TLCD4: variants seen among roughly 807,000 people sequenced by gnomAD.
TLCD4 encodes the protein TLC domain-containing protein 4.
A neutral mutation model predicts 24.2 loss-of-function variants in TLCD4; 7 were observed. The ratio of observed to expected loss-of-function variants is 0.29; its 90% CI spans 0.16 to 0.54. The LOEUF (loss-of-function observed/expected upper bound fraction) is 0.54. Ranked by LOEUF, TLCD4 falls within the 20% of genes least tolerant of loss-of-function variation. The pLI is 0.95. For missense variants in TLCD4, 259 were observed against 313.9 expected (o/e 0.82, Z 1.32); for synonymous variants, 103 against 106.4 (o/e 0.97, Z 0.20).
intron 5 of TLCD4, among the ~76,000 whole-genome samples, chr1:95,167,953 T>C (rs1176663649): frequency 1.3e-5 from 2 of 152,180 alleles, no homozygotes; most frequent in Non-Finnish European, 2.9e-5. Context: ...GTAAACTGTC[T>C]TTTTTCATTC....
the TLCD4 span, among the ~76,000 whole-genome samples, chr1:95,108,443 G>A: frequency 6.6e-6 from 1 of 152,044 alleles, no homozygotes; most frequent in South Asian, 2.1e-4. Flanking sequence ...GTGCAATCAT[G>A]GCTCACTCTG....
At chr1:95,155,678 G>A (rs1280210635) in intron 5 of TLCD4, among the ~76,000 whole-genome samples, 3 of 151,724 alleles carry the variant, frequency 2.0e-5, no homozygotes, top group East Asian at 1.9e-4. Context: ...ATATATTGAC[G>A]GGTACAGGAT....
chr1:95,106,534 C>G, the TLCD4 span, among the ~76,000 whole-genome samples: 1 of 152,190 alleles, frequency 6.6e-6, no homozygotes, highest in East Asian at 1.9e-4. Flanking sequence ...AATTCTGTCT[C>G]TACCAAAAAT....
rs1679038298 is a variant in TLCD4, at chr1:95,191,795, G to T, written c.719G>T (p.Gly240Val). 6 of 1,614,098 alleles carry T rather than the reference G, an allele frequency of 3.7e-6. No individual in the cohort carries two copies. The highest frequency in any genetic ancestry group is 5.1e-6 in the Non-Finnish European group (6 of 1,179,998). ...NVMWMIKISK[G>V]CIKVISHIRQ... ...ATGTGGATGATCAAAATTTCAAAAG[G>T]TTGCATCAAAGTCATCTCTCACATC... is the stretch of plus-strand genomic sequence containing the variant. The change falls in exon 7 of 7, where the codon GGT (glycine) becomes GTT (valine). Residue 240 changes from glycine to valine, a missense_variant. Gly to Val is a moderately radical substitution (Grantham distance 109, BLOSUM62 -3). Coordinates refer to ENST00000370203, the MANE Select transcript of TLCD4 (RefSeq NM_152487.3).
intron 5 of TLCD4, among the ~76,000 whole-genome samples, chr1:95,156,984 G>A (rs1161518850): frequency 1.3e-5 from 2 of 152,054 alleles, no homozygotes; most frequent in African/African-American, 4.8e-5. Context: ...AAGGTAGAAA[G>A]AGAACCATAA....
the TLCD4 span, among the ~76,000 whole-genome samples, chr1:95,099,053 C>CAAAAAAAAAAAAAAAAAAAAAAAAA: frequency 1.4e-5 from 1 of 70,656 alleles, no homozygotes; most frequent in Non-Finnish European, 2.6e-5. Flanking sequence ...AACTCTGTCT[C>CAAAAAAAAAAAAAAAAAAAAAAAAA]AAAAAAAAAA....
intron 1 of TLCD4, among the ~76,000 whole-genome samples, chr1:95,142,559 G>T (rs1677233669): frequency 1.3e-5 from 2 of 152,140 alleles, no homozygotes; most frequent in African/African-American, 4.8e-5. Flanking sequence ...CCTACCATAG[G>T]GGCTCAAGAG....
chr1:95,095,873 A>C, the TLCD4 span, among the ~76,000 whole-genome samples: 1 of 152,314 alleles, frequency 6.6e-6, no homozygotes, highest in East Asian at 1.9e-4. Context: ...GGCAAACCAA[A>C]ATTGCTTTAA....
rs141883381 is a variant in TLCD4, at chr1:95,197,435, T to G, written c.*5567T>G. The G allele has an allele frequency of 9.2e-5, 14 of 152,284 alleles. No homozygotes were observed. The highest frequency in any genetic ancestry group is 3.4e-4 in the African/African-American group (14 of 41,560). 9.4% of individuals were successfully genotyped at this position (152,284 alleles called of 1,614,324 possible). A position where few individuals can be genotyped will look rare whatever the true frequency, so the allele number is the denominator to read the frequency against. ...AAGGTTGACATATTTTGTCCTGAAATTTTTAGTTAACATTTCAAGAATGAT... is the reference window on the plus strand; with the variant it reads ...AAGGTTGACATATTTTGTCCTGAAAGTTTTAGTTAACATTTCAAGAATGAT... On this transcript the variant is annotated 3_prime_UTR_variant, in exon 7 of 7. Coordinates refer to ENST00000370203, the MANE Select transcript of TLCD4 (RefSeq NM_152487.3).
chr1:95,100,095 A>T, the TLCD4 span, among the ~76,000 whole-genome samples: 20 of 151,966 alleles, frequency 1.3e-4, no homozygotes, highest in Non-Finnish European at 2.6e-4. Context: ...ACAGAGTGAG[A>T]CCCCATCTCA....
At chr1:95,137,656 C>G (rs748310615) in intron 1 of TLCD4, among the ~76,000 whole-genome samples, 7 of 151,830 alleles carry the variant, frequency 4.6e-5, no homozygotes, top group Non-Finnish European at 1.0e-4. Context: ...CCTTCTTCCC[C>G]TCATCCCCTC....
At chr1:95,102,587 A>G in the TLCD4 span, among the ~76,000 whole-genome samples, 1 of 152,206 alleles carries the variant, frequency 6.6e-6, no homozygotes, top group Non-Finnish European at 1.5e-5. Flanking sequence ...TTGGGAATAT[A>G]GGTCTGAAGC....
At chr1:95,184,356 T>A (rs1025801466) in intron 6 of TLCD4, among the ~76,000 whole-genome samples, 5 of 152,162 alleles carry the variant, frequency 3.3e-5, no homozygotes, top group Non-Finnish European at 5.9e-5. Flanking sequence ...TTCTCACTTT[T>A]TTTTTTTCTG....
At chr1:95,152,961 A>G (rs1055709879) in intron 5 of TLCD4, among the ~76,000 whole-genome samples, 4 of 152,266 alleles carry the variant, frequency 2.6e-5, no homozygotes, top group Admixed American at 6.5e-5. Flanking sequence ...TCTTTCTCCA[A>G]TTAAACCATG....
intron 6 of TLCD4, 72 bp downstream of exon 6, chr1:95,173,961 G>A (rs1380915210): frequency 6.3e-7 from 1 of 1,583,868 alleles, no homozygotes; most frequent in Non-Finnish European, 8.6e-7. Flanking sequence ...TCCTTTTCCC[G>A]TGATCCTCAA....
At chr1:95,139,455 A>ATTTTTTTTTTTTTTTTTTTTTTTT (rs200337389) in intron 1 of TLCD4, among the ~76,000 whole-genome samples, 1 of 93,992 alleles carries the variant, frequency 1.1e-5, no homozygotes, top group Non-Finnish European at 2.0e-5. Flanking sequence ...TAAACCTTTG[A>ATTTTTTTTTTTTTTTTTTTTTTTT]TTTTTTTTTT....
the TLCD4 span, among the ~76,000 whole-genome samples, chr1:95,103,132 C>T: frequency 6.6e-6 from 1 of 152,094 alleles, no homozygotes; most frequent in East Asian, 1.9e-4. Flanking sequence ...GCATGCGCCA[C>T]CATGCCCGTC....
In TLCD4 at chr1:95,173,811, T is replaced by C; in HGVS notation, c.400-5T>C. ...TTGACGTTGTGTTTTATGTTTATCATTCAGAAAAATGGAGTGCTGGCATAC... is the reference window on the plus strand; with the variant it reads ...TTGACGTTGTGTTTTATGTTTATCACTCAGAAAAATGGAGTGCTGGCATAC... On this transcript the variant is annotated splice_region_variant and splice_polypyrimidine_tract_variant and intron_variant, in intron 5 of 6. Transcript: ENST00000370203. The C allele has an allele frequency of 6.2e-7, 1 of 1,614,130 alleles. No homozygotes were observed. The highest frequency in any genetic ancestry group is 8.5e-7 in the Non-Finnish European group (1 of 1,180,028).
rs1310363128 is a variant in TLCD4, at chr1:95,148,807, T to G, written c.245+16T>G. On this transcript the variant is annotated intron_variant, in intron 3 of 6. Transcript: ENST00000370203. Reference sequence around the variant, plus strand: ...ATCCACTTTGGTAAGCTGTTTCTTTTTCTAAGATTGCCAATTTCATTTATG... The same window carrying G: ...ATCCACTTTGGTAAGCTGTTTCTTTGTCTAAGATTGCCAATTTCATTTATG... The G allele has an allele frequency of 1.2e-6, 2 of 1,605,810 alleles. No individual in the cohort carries two copies. The highest frequency in any genetic ancestry group is 1.3e-5 in the African/African-American group (1 of 74,286).
Sources: gnomAD v4.1 joint callset for allele counts (sites outside exome capture counted in the v4.1 genomes callset) on GRCh38, gnomAD v4.1.1 for gene constraint, MANE v1.5 for transcripts, NCBI Gene and HGNC (gene_info 2026-07-23, HGNC 2026-07-21) for gene names.